SNX29: variants seen among roughly 807,000 people sequenced by gnomAD.
SNX29 encodes sorting nexin 29, also known as sorting nexin-29.
SNX29 carries 78 observed loss-of-function variants against 102.1 expected under a neutral mutation model. The ratio of observed to expected loss-of-function variants is 0.76; its 90% CI spans 0.64 to 0.92. The LOEUF is 0.92. Ranked by LOEUF, SNX29 falls within the 40% of genes least tolerant of loss-of-function variation. The probability of loss-of-function intolerance (pLI) is 0.00; values close to 1 mark genes in which losing one functional copy is unlikely to be tolerated. For synonymous variants in SNX29, 580 were observed against 414.5 expected, an observed-to-expected ratio of 1.40 and a Z score of -4.85; for missense variants, 1,280 against 1,061.7, an observed-to-expected ratio of 1.21 and a Z score of -2.86.
intron 18 of SNX29, among the ~76,000 whole-genome samples, chr16:12,409,910 T>G (rs1422048459): frequency 6.6e-6 from 1 of 152,234 alleles, no homozygotes; most frequent in Non-Finnish European, 1.5e-5. Flanking sequence ...TGTTGTACAA[T>G]ATTTCATTTG....
intron 3 of SNX29, among the ~76,000 whole-genome samples, chr16:12,021,890 CAAAA>C (rs57936438): frequency 7.8e-6 from 1 of 128,006 alleles, no homozygotes; most frequent in Admixed American, 8.2e-5. Context: ...GGCTCCATCT[CAAAA>C]AAAAAAAAAA....
At chr16:12,564,562 ATGGAT>A (rs1160669530) in intron 20 of SNX29, among the ~76,000 whole-genome samples, 1 of 152,160 alleles carries the variant, frequency 6.6e-6, no homozygotes, top group Non-Finnish European at 1.5e-5. Flanking sequence ...ACCCATTCTT[ATGGAT>A]TGCCATCCAG....
intron 16 of SNX29, among the ~76,000 whole-genome samples, chr16:12,388,596 C>G (rs1380866801): frequency 2.0e-5 from 3 of 152,224 alleles, no homozygotes; most frequent in African/African-American, 7.2e-5. Flanking sequence ...CGCTGTCTCT[C>G]TCACTGTTAC....
chr16:12,257,244 C>T (rs1404270796), intron 14 of SNX29, among the ~76,000 whole-genome samples: 1 of 152,168 alleles, frequency 6.6e-6, no homozygotes, highest in Non-Finnish European at 1.5e-5. Flanking sequence ...TTCTTGGAAT[C>T]CGACTTCCTG....
intron 18 of SNX29, among the ~76,000 whole-genome samples, chr16:12,406,524 C>G (rs959008919): frequency 2.0e-5 from 3 of 152,242 alleles, no homozygotes; most frequent in African/African-American, 7.2e-5. Context: ...ATGTAGCTTT[C>G]TCAGGAGAGC....
chr16:12,336,859 T>C (rs1396293260), intron 15 of SNX29, among the ~76,000 whole-genome samples: 1 of 152,054 alleles, frequency 6.6e-6, no homozygotes, highest in Non-Finnish European at 1.5e-5. Flanking sequence ...TATGGGAGGA[T>C]CACTTGAGTC....
intron 17 of SNX29, among the ~76,000 whole-genome samples, chr16:12,398,976 C>G (rs1410534352): frequency 3.3e-5 from 5 of 152,154 alleles, no homozygotes; most frequent in African/African-American, 7.2e-5. Context: ...GTAGTCCATG[C>G]CTTGGTCGGA....
chr16:12,182,775 C>CA (rs1006979574), intron 13 of SNX29, among the ~76,000 whole-genome samples: 50 of 149,418 alleles, frequency 3.3e-4, no homozygotes, highest in Admixed American at 1.5e-3. Context: ...ACTAGAAATG[C>CA]AAAAAAAAAT....
At chr16:12,089,883 G>C (rs541222056) in intron 11 of SNX29, 104 of 356,156 alleles carry the variant, frequency 2.9e-4, no homozygotes, top group African/African-American at 2.1e-3. Context: ...TACAGGCAGT[G>C]CTGAGGGCTC....
chr16:12,315,342 C>T (rs966274032), intron 15 of SNX29, among the ~76,000 whole-genome samples: 4 of 152,160 alleles, frequency 2.6e-5, no homozygotes, highest in Non-Finnish European at 1.5e-5. Flanking sequence ...TTCTTTACAC[C>T]TTGTGGATCT....
rs187485751 is a variant in SNX29, at chr16:12,315,153, C to G, written c.1782+37117C>G. 5.9e-5 allele frequency among the ~76,000 whole-genome samples: 9 copies of G among 152,206 alleles called. No individual in the cohort carries two copies. The South Asian group carries it at 1.5e-3, about 25-fold the overall frequency. The stretch of plus-strand genomic sequence containing the variant: ...TTTTGTCTCAGGGGAATGATAGAAC[C>G]CCTGGTGACTGTGAAGCAGAAGAAG... On this transcript the variant is annotated intron_variant, in intron 15 of 20. Transcript: ENST00000566228.
intron 16 of SNX29, among the ~76,000 whole-genome samples, chr16:12,363,725 G>T (rs1345511128): frequency 6.6e-6 from 1 of 152,216 alleles, no homozygotes; most frequent in Non-Finnish European, 1.5e-5. Flanking sequence ...GATGAGCAGG[G>T]TTAGTTTCCT....
chr16:12,503,351 G>C (rs1307625291), intron 19 of SNX29, among the ~76,000 whole-genome samples: 1 of 152,212 alleles, frequency 6.6e-6, no homozygotes, highest in East Asian at 1.9e-4. Flanking sequence ...AGTCTAGGTG[G>C]GGAAAGTGGT....
chr16:12,403,404 G>A, intron 17 of SNX29, 44 bp from the exon 18 acceptor site: 1 of 1,530,416 alleles, frequency 6.5e-7, no homozygotes, highest in South Asian at 1.2e-5. Context: ...TTTTTTGTAA[G>A]TTAAAATGTC....
intron 8 of SNX29, among the ~76,000 whole-genome samples, chr16:12,059,101 G>A (rs1441968117): frequency 6.6e-6 from 1 of 152,142 alleles, no homozygotes; most frequent in Non-Finnish European, 1.5e-5. Context: ...TTGAGGCGGT[G>A]GTCCTTGGGG....
chr16:12,291,888 A>C (rs772073416), intron 15 of SNX29, among the ~76,000 whole-genome samples: 1 of 152,216 alleles, frequency 6.6e-6, no homozygotes, highest in Non-Finnish European at 1.5e-5. Context: ...GTGAGTGAAG[A>C]GTGAGTGAGA....
chr16:12,497,181 C>T (rs993378551), intron 19 of SNX29, among the ~76,000 whole-genome samples: 1 of 152,222 alleles, frequency 6.6e-6, no homozygotes, highest in Non-Finnish European at 1.5e-5. Flanking sequence ...CAACCAAGAT[C>T]CTAAGGCATC....
At chr16:12,070,204 T>C (rs992378024) in intron 10 of SNX29, among the ~76,000 whole-genome samples, 7 of 151,998 alleles carry the variant, frequency 4.6e-5, no homozygotes, top group African/African-American at 1.7e-4. Context: ...TTATTTAAGT[T>C]TTAGGGTACA....
intron 14 of SNX29, among the ~76,000 whole-genome samples, chr16:12,277,056 A>G (rs2079273918): frequency 6.6e-6 from 1 of 152,218 alleles, no homozygotes; most frequent in African/African-American, 2.4e-5. Flanking sequence ...TCACTGGATC[A>G]CTTTTTTGTT....
Sources: gnomAD v4.1 joint callset for allele counts (sites outside exome capture counted in the v4.1 genomes callset) on GRCh38, gnomAD v4.1.1 for gene constraint, MANE v1.5 for transcripts, NCBI Gene and HGNC (gene_info 2026-07-23, HGNC 2026-07-21) for gene names.